KIAA1671: variants seen among roughly 807,000 people sequenced by gnomAD.
KIAA1671 encodes the protein KIAA1671.
In KIAA1671, 52 loss-of-function variants were observed where a neutral mutation model predicts 131.2. The observed-to-expected ratio is 0.40, with a 90% confidence interval of 0.32 to 0.50. The LOEUF is 0.50. Among genes scored for constraint, KIAA1671 ranks in the 20% least tolerant of loss-of-function variants. The pLI is 0.73. For synonymous variants in KIAA1671, 1,003 were observed against 961.6 expected (o/e 1.04, Z -0.80); for missense variants, 2,360 against 2,364.2 (o/e 1.00, Z 0.04).
chr22:25,027,438 G>A (rs1423469005), intron 2 of KIAA1671, among the ~76,000 whole-genome samples: 1 of 152,224 alleles, frequency 6.6e-6, no homozygotes, highest in African/African-American at 2.4e-5. Context: ...GATGTGGGCA[G>A]GCTCTGCAGT....
intron 6 of KIAA1671, among the ~76,000 whole-genome samples, chr22:25,170,329 G>A (rs771939395): frequency 1.3e-5 from 2 of 152,216 alleles, no homozygotes; most frequent in Non-Finnish European, 2.9e-5. Flanking sequence ...CATGTCAAGA[G>A]CTCAGCCCAA....
chr22:25,115,920 G>T (rs1931631062), intron 6 of KIAA1671, among the ~76,000 whole-genome samples: 1 of 152,080 alleles, frequency 6.6e-6, no homozygotes, highest in Non-Finnish European at 1.5e-5. Context: ...GGGATTACAG[G>T]TGCCCTCCAC....
At chr22:25,088,471 G>T (rs1344807807) in intron 6 of KIAA1671, among the ~76,000 whole-genome samples, 1 of 152,106 alleles carries the variant, frequency 6.6e-6, no homozygotes, top group Non-Finnish European at 1.5e-5. Context: ...CTGCAGAAGG[G>T]TACAGAGGTG....
rs188951621 is a variant in KIAA1671, at chr22:25,007,230, G to A, written c.-207-18403G>A. On this transcript the variant is annotated intron_variant, in intron 1 of 12. Coordinates refer to ENST00000358431, the MANE Select transcript of KIAA1671 (RefSeq NM_001145206.2). ...TAGCCAGGTGCGGTGGCTCACGTCT[G>A]TAATCCCAGCACTTTGGGAGGCCGA... Among the ~76,000 whole-genome samples, 30 of 152,280 alleles carry A rather than the reference G, an allele frequency of 2.0e-4. No homozygotes were observed. The East Asian group carries it at 4.8e-3, about 24-fold the overall frequency.
At chr22:24,989,606 G>A (rs952168610) in intron 1 of KIAA1671, among the ~76,000 whole-genome samples, 3 of 152,152 alleles carry the variant, frequency 2.0e-5, no homozygotes, top group Non-Finnish European at 4.4e-5. Flanking sequence ...GCTCAGGGGG[G>A]ATGCACTGGC....
intron 1 of KIAA1671, among the ~76,000 whole-genome samples, chr22:24,983,406 G>C (rs557553243): frequency 3.9e-4 from 60 of 152,096 alleles, no homozygotes; most frequent in African/African-American, 1.4e-3. Context: ...TTTTTATAAG[G>C]ACACTAGTCA....
chr22:24,963,364 CAAA>C (rs766667437), intron 1 of KIAA1671, among the ~76,000 whole-genome samples: 20 of 46,642 alleles, frequency 4.3e-4, no homozygotes, highest in Admixed American at 1.3e-3. Context: ...AACTCCATCT[CAAA>C]AAAAAAAAAA....
At chr22:25,132,699 G>A (rs1266519286) in intron 6 of KIAA1671, among the ~76,000 whole-genome samples, 5 of 152,126 alleles carry the variant, frequency 3.3e-5, no homozygotes, top group African/African-American at 1.2e-4. Flanking sequence ...GAAGATCCCT[G>A]TTACAGGTTC....
chr22:25,159,747 G>T (rs963113527), intron 6 of KIAA1671, among the ~76,000 whole-genome samples: 2 of 152,162 alleles, frequency 1.3e-5, no homozygotes, highest in African/African-American at 2.4e-5. Context: ...AGCTGGATTT[G>T]CTCTGGTCTG....
chr22:24,988,406 G>T (rs766038914), intron 1 of KIAA1671, among the ~76,000 whole-genome samples: 5 of 151,868 alleles, frequency 3.3e-5, no homozygotes, highest in Non-Finnish European at 7.4e-5. Flanking sequence ...TGCTTCATAT[G>T]ATCCTTTGGG....
intron 6 of KIAA1671, among the ~76,000 whole-genome samples, chr22:25,159,206 G>A (rs1052708720): frequency 6.6e-6 from 1 of 152,158 alleles, no homozygotes; most frequent in African/African-American, 2.4e-5. Flanking sequence ...AACCAAATAC[G>A]CCTCCTGCAG....
In KIAA1671 at chr22:25,028,722, G is replaced by A. The variant is rs1053384496; in HGVS notation, c.723G>A (p.Arg241=). 2 of 1,551,218 alleles carry A rather than the reference G, an allele frequency of 1.3e-6. No homozygotes were observed. Among genetic ancestry groups the A allele is most frequent in the Non-Finnish European group, 8.7e-7 (1 of 1,147,010 alleles). ...LVEPRPRLKR[R]PVSAIFTESI... ...AGCCCAGGCCTCGCCTGAAGAGAAG[G>A]CCCGTGTCTGCCATTTTCACGGAGT... The change falls in exon 3 of 13, where the codon AGG becomes AGA. Residue 241 remains arginine (R), a synonymous_variant. Transcript: ENST00000358431.
chr22:25,170,505 TGAG>T (rs1197884548), intron 6 of KIAA1671, among the ~76,000 whole-genome samples: 1 of 152,136 alleles, frequency 6.6e-6, no homozygotes, highest in African/African-American at 2.4e-5. Context: ...GGCTGTACTG[TGAG>T]GAGGAGAGAG....
chr22:25,120,169 A>C (rs968043350), intron 6 of KIAA1671, among the ~76,000 whole-genome samples: 3 of 152,138 alleles, frequency 2.0e-5, no homozygotes, highest in African/African-American at 7.2e-5. Context: ...GCCTGTGCCA[A>C]CTGCCAACTG....
chr22:24,987,174 T>A (rs5760773), intron 1 of KIAA1671, among the ~76,000 whole-genome samples: 77,459 of 136,562 alleles, frequency 0.57, 21,377 homozygotes, highest in African/African-American at 0.68. Flanking sequence ...TATTATTATT[T>A]TTTTTTTTTT....
intron 6 of KIAA1671, among the ~76,000 whole-genome samples, chr22:25,131,409 G>A (rs996141877): frequency 6.6e-6 from 1 of 152,244 alleles, no homozygotes; most frequent in African/African-American, 2.4e-5. Flanking sequence ...GCCTAGCAAG[G>A]TCCCTGCTGC....
chr22:25,008,055 G>T (rs546421597), intron 1 of KIAA1671, among the ~76,000 whole-genome samples: 1 of 151,926 alleles, frequency 6.6e-6, no homozygotes, highest in East Asian at 1.9e-4. Flanking sequence ...AAAATTAGCC[G>T]GGCGTGGTGG....
At chr22:25,086,092 A>G (rs924987432) in intron 6 of KIAA1671, among the ~76,000 whole-genome samples, 2 of 152,206 alleles carry the variant, frequency 1.3e-5, no homozygotes, top group African/African-American at 4.8e-5. Flanking sequence ...TTTCATATCT[A>G]TATGCACAGT....
intron 6 of KIAA1671, among the ~76,000 whole-genome samples, chr22:25,090,965 A>G (rs1166912801): frequency 6.6e-6 from 1 of 152,192 alleles, no homozygotes; most frequent in African/African-American, 2.4e-5. Flanking sequence ...TCACTGCTGT[A>G]TCCCTGGAGT....
Sources: allele counts gnomAD v4.1 joint callset (sites outside exome capture counted in the v4.1 genomes callset), GRCh38; gene constraint gnomAD v4.1.1; transcripts MANE v1.5; gene names NCBI Gene and HGNC (gene_info 2026-07-23, HGNC 2026-07-21).